ADAM32: variants seen among roughly 807,000 people sequenced by gnomAD.
The protein encoded by ADAM32 is disintegrin and metalloproteinase domain-containing protein 32.
A neutral mutation model predicts 114.9 loss-of-function variants in ADAM32; 89 were observed. The observed-to-expected ratio is 0.77, with a 90% confidence interval of 0.65 to 0.92. The LOEUF (loss-of-function observed/expected upper bound fraction) is 0.92, where lower values mean the gene tolerates loss of function less well. Ranked by LOEUF, ADAM32 falls within the 40% of genes least tolerant of loss-of-function variation. The pLI is 0.00. For missense variants in ADAM32, 870 were observed against 932.8 expected (o/e 0.93, Z 0.88); for synonymous variants, 285 against 307.5 (o/e 0.93, Z 0.77).
chr8:39,160,730 G>C (rs761478105), intron 6 of ADAM32, among the ~76,000 whole-genome samples, 167 bp from the exon 7 acceptor site: 1 of 152,086 alleles, frequency 6.6e-6, no homozygotes, highest in African/African-American at 2.4e-5. Context: ...AACTACTTGA[G>C]TACATTGCCA....
chr8:39,183,465 T>C (rs980395153), intron 10 of ADAM32, among the ~76,000 whole-genome samples: 2 of 149,776 alleles, frequency 1.3e-5, no homozygotes, highest in South Asian at 2.1e-4. Flanking sequence ...CTATTCCCAA[T>C]ATAGTATATT....
intron 7 of ADAM32, among the ~76,000 whole-genome samples, chr8:39,163,138 A>G (rs1804615178): frequency 1.3e-5 from 2 of 152,232 alleles, no homozygotes; most frequent in African/African-American, 4.8e-5. Flanking sequence ...ATATATACAC[A>G]GTTTAATAAT....
chr8:39,203,431 T>C (rs1807580644), intron 11 of ADAM32, among the ~76,000 whole-genome samples: 1 of 152,224 alleles, frequency 6.6e-6, no homozygotes, highest in Admixed American at 6.5e-5. Flanking sequence ...TAAAGTCTGT[T>C]TATCAGAGAC....
intron 3 of ADAM32, among the ~76,000 whole-genome samples, chr8:39,142,789 G>C (rs2129445237): frequency 6.6e-6 from 1 of 152,266 alleles, no homozygotes; most frequent in South Asian, 2.1e-4. Context: ...ATAATATCCT[G>C]AAGAGTGTAT....
intron 16 of ADAM32, among the ~76,000 whole-genome samples, chr8:39,237,738 G>A (rs866920804): frequency 6.3e-4 from 96 of 151,384 alleles, no homozygotes; most frequent in African/African-American, 2.3e-3. Context: ...CCCTACCCAA[G>A]GAGAGTTTGA....
chr8:39,136,849 T>A (rs1380219139), intron 3 of ADAM32, 131 bp downstream of exon 3: 2 of 641,050 alleles, frequency 3.1e-6, no homozygotes, highest in Non-Finnish European at 4.9e-6. Flanking sequence ...GAAGAGATGC[T>A]GTCCTGTGAC....
At chr8:39,198,683 T>C (rs1477910239) in intron 11 of ADAM32, among the ~76,000 whole-genome samples, 2 of 152,238 alleles carry the variant, frequency 1.3e-5, no homozygotes, top group Admixed American at 6.5e-5. Flanking sequence ...CAGCCTTTCT[T>C]CCTGTTTTAT....
At chr8:39,110,681 A>G in intron 1 of ADAM32, among the ~76,000 whole-genome samples, 1 of 152,236 alleles carries the variant, frequency 6.6e-6, no homozygotes, top group South Asian at 2.1e-4. Flanking sequence ...AACTTCTTTT[A>G]TTAATGCTGT....
At chr8:39,233,756 G>T in intron 15 of ADAM32, 143 bp from the exon 16 acceptor site, 1 of 519,052 alleles carries the variant, frequency 1.9e-6, no homozygotes, top group Non-Finnish European at 3.1e-6. Context: ...TTTTTACTTT[G>T]TTACCGTGAA....
At chr8:39,207,673 T>C (rs903936959) in intron 11 of ADAM32, among the ~76,000 whole-genome samples, 4 of 152,226 alleles carry the variant, frequency 2.6e-5, no homozygotes, top group Non-Finnish European at 5.9e-5. Context: ...TTTAACTAAC[T>C]TTTACACATT....
chr8:39,279,152 T>C (rs922566859), intron 22 of ADAM32, among the ~76,000 whole-genome samples: 9 of 152,252 alleles, frequency 5.9e-5, no homozygotes, highest in African/African-American at 1.7e-4. Flanking sequence ...ATATCAGGAC[T>C]CAGGTCATTA....
chr8:39,263,974 T>G (rs556196898), intron 19 of ADAM32, among the ~76,000 whole-genome samples: 24 of 152,216 alleles, frequency 1.6e-4, no homozygotes, highest in Non-Finnish European at 1.3e-4. Flanking sequence ...ATTTGAAAAG[T>G]AACACCCATT....
chr8:39,109,251 A>G (rs1840053517), intron 1 of ADAM32, among the ~76,000 whole-genome samples: 1 of 152,228 alleles, frequency 6.6e-6, no homozygotes, highest in Non-Finnish European at 1.5e-5. Flanking sequence ...CATTAAAAAT[A>G]AAAGTAACGG....
intron 3 of ADAM32, among the ~76,000 whole-genome samples, chr8:39,145,334 G>A (rs1803439570): frequency 6.6e-6 from 1 of 152,102 alleles, no homozygotes; most frequent in African/African-American, 2.4e-5. Flanking sequence ...GAATAGCCAA[G>A]GCACTACTGA....
chr8:39,205,099 G>C (rs1011630283), intron 11 of ADAM32, among the ~76,000 whole-genome samples: 1 of 152,236 alleles, frequency 6.6e-6, no homozygotes, highest in African/African-American at 2.4e-5. Context: ...GAGGCAGTCT[G>C]TCTGTTCTCC....
At chr8:39,179,928 C>T (rs1363848163) in intron 10 of ADAM32, among the ~76,000 whole-genome samples, 2 of 152,222 alleles carry the variant, frequency 1.3e-5, no homozygotes, top group African/African-American at 4.8e-5. Flanking sequence ...TTTATTTTGT[C>T]TTAATGAGAG....
At chr8:39,284,378 T>TACACACAC (rs367964426) in intron 24 of ADAM32, among the ~76,000 whole-genome samples, 5,582 of 142,078 alleles carry the variant, frequency 0.039, 373 homozygotes, top group African/African-American at 0.14. Context: ...CACACACACG[T>TACACACAC]ACACACACAC....
intron 22 of ADAM32, among the ~76,000 whole-genome samples, chr8:39,279,459 G>A (rs1414989632): frequency 6.6e-6 from 1 of 151,950 alleles, no homozygotes; most frequent in Non-Finnish European, 1.5e-5. Context: ...AATTTTTGTA[G>A]TTTTAGTAGA....
At chr8:39,270,750 A>G in intron 19 of ADAM32, 126 bp from the exon 20 acceptor site, 2 of 753,004 alleles carry the variant, frequency 2.7e-6, no homozygotes, top group South Asian at 1.7e-5. Flanking sequence ...CCTTTGGACA[A>G]TATTTTATTT....
Sources: allele counts gnomAD v4.1 joint callset (sites outside exome capture counted in the v4.1 genomes callset), GRCh38; gene constraint gnomAD v4.1.1; transcripts MANE v1.5; gene names NCBI Gene and HGNC (gene_info 2026-07-23, HGNC 2026-07-21).